CSE1L: variants seen among roughly 807,000 people sequenced by gnomAD.
CSE1L encodes the protein exportin-2.
In CSE1L, 24 loss-of-function variants were observed where a neutral mutation model predicts 120.4. That is an observed-to-expected ratio of 0.20 (90% confidence interval 0.14 to 0.28). The LOEUF is 0.28. Among genes scored for constraint, CSE1L ranks in the 10% least tolerant of loss-of-function variants. CSE1L has a pLI of 1.00. For missense variants in CSE1L, 830 were observed against 1,145.2 expected (o/e 0.72, Z 3.97); for synonymous variants, 402 against 398.3 (o/e 1.01, Z -0.11).
At chr20:49,071,716 G>T (rs556729195) in intron 8 of CSE1L, among the ~76,000 whole-genome samples, 53 of 152,178 alleles carry the variant, frequency 3.5e-4, no homozygotes, top group African/African-American at 1.3e-3. Flanking sequence ...GGCTTGGCCC[G>T]TCGCAGTGGC....
chr20:49,090,974 C>G lies in CSE1L; in HGVS notation c.2317C>G (p.Leu773Val), dbSNP rs547563592. 1 of 1,611,206 alleles carries G rather than the reference C, an allele frequency of 6.2e-7. No homozygotes were observed. The highest frequency in any genetic ancestry group is 1.1e-5 in the South Asian group (1 of 90,710). The change falls in exon 21 of 25, where the codon CTG (leucine) becomes GTG (valine). Residue 773 changes from leucine to valine, a missense_variant. Coordinates refer to ENST00000262982, the MANE Select transcript of CSE1L (RefSeq NM_001316.4). Reference protein sequence around the residue: ...VDQYRKQIFILLFQRLQNSKT... With the variant: ...VDQYRKQIFIVLFQRLQNSKT... ...CCAATATAGGAAACAAATCTTCATT[C>G]TGCTATTCCAGAGACTTCAGAATTC... is the stretch of plus-strand genomic sequence containing the variant.
In CSE1L at chr20:49,056,576, G is replaced by A. The variant is rs577366147; in HGVS notation, c.-11-1877G>A. On this transcript the variant is annotated intron_variant, in intron 1 of 24. Coordinates refer to ENST00000262982, the MANE Select transcript of CSE1L (RefSeq NM_001316.4). ...CCCTCAGTTTGCACCTAATTTTATC[G>A]TCTCACCAACAAGTTGGAGACCATA... is the stretch of plus-strand genomic sequence containing the variant. 5.9e-5 allele frequency among the ~76,000 whole-genome samples: 9 copies of A among 152,066 alleles called. No homozygotes were observed. In the South Asian group the frequency reaches 8.3e-4, roughly 14 times the overall value.
chr20:49,068,727 C>T lies in CSE1L; in HGVS notation c.580C>T (p.Leu194Phe), dbSNP rs1395388984. 1.9e-6 allele frequency: 3 copies of T among 1,611,886 alleles called. No homozygotes were observed. Among genetic ancestry groups the T allele is most frequent in the African/African-American group, 1.3e-5 (1 of 74,898 alleles). Reference protein sequence around the residue: ...LTNLFKATIELCSTHANDASA... With the variant: ...LTNLFKATIEFCSTHANDASA... The stretch of plus-strand genomic sequence containing the variant: ...ATTCCTTTCCAAGGCCACTATTGAA[C>T]TCTGCAGTACCCATGCAAATGATGC... The change falls in exon 7 of 25, where the codon CTC becomes TTC. Residue 194 changes from leucine to phenylalanine, a missense_variant. Physicochemically the swap from Leu to Phe is conservative, Grantham distance 22. Transcript: ENST00000262982.
intron 14 of CSE1L, among the ~76,000 whole-genome samples, chr20:49,083,705 A>T (rs984254602): frequency 2.6e-5 from 4 of 152,210 alleles, no homozygotes; most frequent in Non-Finnish European, 5.9e-5. Flanking sequence ...TTTTTCAAGA[A>T]ATATCTGCTA....
intron 10 of CSE1L, 77 bp downstream of exon 10, chr20:49,072,774 A>G (rs1756652332): frequency 2.3e-6 from 3 of 1,323,190 alleles, no homozygotes; most frequent in Non-Finnish European, 2.0e-6. Flanking sequence ...AGTCTAATTC[A>G]TTTATTACTG....
chr20:49,063,666 G>A (rs1051549091), intron 3 of CSE1L, among the ~76,000 whole-genome samples: 1 of 152,076 alleles, frequency 6.6e-6, no homozygotes, highest in African/African-American at 2.4e-5. Context: ...TTCATACCTC[G>A]GGTTGCTAGG....
chr20:49,067,129 G>T, intron 5 of CSE1L, 61 bp from the exon 6 acceptor site: 1 of 934,158 alleles, frequency 1.1e-6, no homozygotes, highest in South Asian at 1.6e-5. Flanking sequence ...TCTCCTTGAA[G>T]ACCTAAAGTG....
Position 49,063,356 on chromosome 20 carries a change from G to A in CSE1L, c.228+12G>A. On this transcript the variant is annotated intron_variant, in intron 3 of 24. Coordinates refer to ENST00000262982, the MANE Select transcript of CSE1L (RefSeq NM_001316.4). ...GGAACTGGAGAATTGTAAGTATTTT[G>A]TGAATACATAATTTAATACCCTGTA... 1.4e-6 allele frequency: 2 copies of A among 1,430,814 alleles called. No individual in the cohort carries two copies. Among genetic ancestry groups the A allele is most frequent in the Non-Finnish European group, 1.9e-6 (2 of 1,053,382 alleles). 88.6% of individuals were successfully genotyped at this position (1,430,814 alleles called of 1,614,324 possible).
chr20:49,087,388 C>A (rs1391032397), intron 16 of CSE1L, among the ~76,000 whole-genome samples: 16 of 138,226 alleles, frequency 1.2e-4, no homozygotes, highest in African/African-American at 4.1e-4. Context: ...GAGGGAGTCT[C>A]GCTCTGTCTC....
intron 17 of CSE1L, 50 bp downstream of exon 17, chr20:49,088,156 C>A: frequency 8.0e-7 from 1 of 1,247,616 alleles, no homozygotes; most frequent in Non-Finnish European, 1.2e-6. Context: ...TTGCTCCAAA[C>A]TGTTTGGGCC....
intron 2 of CSE1L, among the ~76,000 whole-genome samples, chr20:49,060,939 G>C (rs1568766172): frequency 3.3e-5 from 5 of 152,060 alleles, no homozygotes; most frequent in Admixed American, 1.3e-4. Flanking sequence ...ATGTTGGAAG[G>C]GTTCCATGAG....
chr20:49,061,001 T>G (rs1003878843), intron 2 of CSE1L, among the ~76,000 whole-genome samples: 3 of 152,128 alleles, frequency 2.0e-5, no homozygotes, highest in African/African-American at 7.2e-5. Flanking sequence ...CATGAACATG[T>G]TAATGCATCT....
At chr20:49,083,968 CTT>C (rs1240023178) in intron 14 of CSE1L, 56 bp from the exon 15 acceptor site, 110 of 1,520,082 alleles carry the variant, frequency 7.2e-5, no homozygotes, top group South Asian at 2.4e-5. Context: ...TTCCAATTGT[CTT>C]TTACTCAAAT....
chr20:49,052,771 G>A (rs574929482), intron 1 of CSE1L, among the ~76,000 whole-genome samples: 1 of 152,222 alleles, frequency 6.6e-6, no homozygotes, highest in Admixed American at 6.5e-5. Context: ...TGTATATTTA[G>A]TAGAGACAGG....
intron 3 of CSE1L, 112 bp from the exon 4 acceptor site, chr20:49,066,080 A>C (rs936824902): frequency 1.1e-6 from 1 of 872,940 alleles, no homozygotes; most frequent in Non-Finnish European, 1.8e-6. Context: ...ACCTTCCTCT[A>C]TTTGTTTTCT....
chr20:49,046,666 G>C (rs1329387610), intron 1 of CSE1L, among the ~76,000 whole-genome samples: 1 of 152,252 alleles, frequency 6.6e-6, no homozygotes, highest in East Asian at 1.9e-4. Flanking sequence ...CCCAGGGCCT[G>C]TGAGGGCTGA....
At chr20:49,067,922 C>T (rs1190535577) in intron 6 of CSE1L, among the ~76,000 whole-genome samples, 1 of 105,798 alleles carries the variant, frequency 9.5e-6, no homozygotes, top group Non-Finnish European at 1.9e-5. Flanking sequence ...TTTTTTTTCC[C>T]TCTCTCTTTT....
Position 49,084,141 on chromosome 20 carries a change from G to C in CSE1L, c.1598G>C (p.Arg533Pro), listed in dbSNP as rs747670372. 1 of 1,613,960 alleles carries C rather than the reference G, an allele frequency of 6.2e-7. No individual in the cohort carries two copies. Among genetic ancestry groups the C allele is most frequent in the Non-Finnish European group, 8.5e-7 (1 of 1,179,930 alleles). ...AHALERLFTM[R>P]GPNNATLFTA... ...GCTCTTGAACGGCTCTTTACTATGC[G>C]AGGGCCTAACAATGCCACTCTGTGA... The change falls in exon 15 of 25, where the codon CGA (arginine) becomes CCA (proline). Residue 533 changes from arginine (R) to proline (P), a missense_variant. By Grantham distance (103) the Arg-to-Pro change is moderately radical (BLOSUM62 -2). This residue lies in a region of CSE1L where 543 missense variants were observed against 640.2 expected (regional missense o/e 0.85). Coordinates refer to ENST00000262982, the MANE Select transcript of CSE1L (RefSeq NM_001316.4).
chr20:49,066,855 C>A, intron 5 of CSE1L, among the ~76,000 whole-genome samples: 1 of 151,540 alleles, frequency 6.6e-6, no homozygotes. Context: ...ATGGTAAAAC[C>A]CCGTCTCTAC....
Sources: allele counts gnomAD v4.1 joint callset (sites outside exome capture counted in the v4.1 genomes callset), GRCh38; gene constraint gnomAD v4.1.1; regional missense constraint gnomAD v4.1.1; transcripts MANE v1.5; gene names NCBI Gene and HGNC (gene_info 2026-07-23, HGNC 2026-07-21).